HLCS: variants seen among roughly 807,000 people sequenced by gnomAD.
HLCS encodes biotin--protein ligase.
A neutral mutation model predicts 75.0 loss-of-function variants in HLCS; 53 were observed. The observed-to-expected ratio is 0.71, with a 90% CI of 0.57 to 0.89. The LOEUF (loss-of-function observed/expected upper bound fraction) is 0.89, where lower values mean the gene tolerates loss of function less well. HLCS is among the 40% of genes least tolerant of loss of function. HLCS has a pLI of 0.00. For synonymous variants in HLCS, 431 were observed against 428.6 expected (o/e 1.01, Z -0.07); for missense variants, 966 against 1,074.0 (o/e 0.90, Z 1.41).
At chr21:36,921,573 T>C (rs2066169324) in intron 5 of HLCS, among the ~76,000 whole-genome samples, 2 of 152,246 alleles carry the variant, frequency 1.3e-5, no homozygotes, top group Admixed American at 6.5e-5. Flanking sequence ...GAAAGCCTCA[T>C]GGTGGGTGAA....
chr21:36,942,859 G>A (rs2067212875), intron 2 of HLCS, among the ~76,000 whole-genome samples: 1 of 151,952 alleles, frequency 6.6e-6, no homozygotes. Flanking sequence ...GAACCCCGGA[G>A]GCAGAGCTTG....
chr21:36,750,489 C>G lies in HLCS; in HGVS notation c.*3757G>C, dbSNP rs2089333764. On this transcript the variant is annotated 3_prime_UTR_variant, in exon 11 of 11. Transcript: ENST00000674895. ...ATTTTCCGCCTCCCTTGCCCCCACT[C>G]CTTTTATCCTTTTAAAAGTCCTATC... Among the ~76,000 whole-genome samples the G allele has an allele frequency of 6.6e-6, 1 of 152,144 alleles. No homozygotes were observed. The highest frequency in any genetic ancestry group is 1.5e-5 in the Non-Finnish European group (1 of 68,026).
intron 4 of HLCS, among the ~76,000 whole-genome samples, chr21:36,931,982 G>A (rs946017327): frequency 7.2e-5 from 11 of 152,084 alleles, no homozygotes; most frequent in Non-Finnish European, 4.4e-5. Flanking sequence ...GTGAACCGAT[G>A]CGTCTACATG....
In HLCS at chr21:36,763,335, T is replaced by C. The variant is rs903177014; in HGVS notation, c.2121+1677A>G. On this transcript the variant is annotated intron_variant, in intron 8 of 10. Coordinates refer to ENST00000674895, the MANE Select transcript of HLCS (RefSeq NM_001352514.2). Reference sequence around the variant, plus strand: ...AGGACTTTCTATTTTGATTGCTTCCTGCTAGACAGAATGCACAGCTCAGGT... The same window carrying C: ...AGGACTTTCTATTTTGATTGCTTCCCGCTAGACAGAATGCACAGCTCAGGT... Among the ~76,000 whole-genome samples the C allele has an allele frequency of 5.3e-5, 8 of 152,326 alleles. 1 individual carries two copies. Among genetic ancestry groups the C allele is most frequent in the Admixed American group, 3.3e-4 (5 of 15,310 alleles).
intron 1 of HLCS, among the ~76,000 whole-genome samples, chr21:36,964,748 C>A (rs552766972): frequency 1.3e-5 from 2 of 152,264 alleles, no homozygotes; most frequent in South Asian, 4.1e-4. Flanking sequence ...AGAAGGCCAG[C>A]GGAGTCATGA....
intron 1 of HLCS, among the ~76,000 whole-genome samples, chr21:36,962,793 C>CAAAAAAA (rs386394699): frequency 3.9e-4 from 31 of 80,190 alleles, no homozygotes; most frequent in East Asian, 7.5e-4. Context: ...GACCCTATCT[C>CAAAAAAA]AAAAAAAAAA....
chr21:36,874,401 C>CAAAAA (rs978044869), intron 6 of HLCS, among the ~76,000 whole-genome samples: 1 of 101,278 alleles, frequency 9.9e-6, no homozygotes, highest in South Asian at 2.8e-4. Context: ...GACTCCGTCT[C>CAAAAA]AAAAAAATAA....
At chr21:36,983,492 C>T (rs917352848) in intron 1 of HLCS, among the ~76,000 whole-genome samples, 10 of 151,790 alleles carry the variant, frequency 6.6e-5, no homozygotes, top group South Asian at 2.1e-4. Flanking sequence ...ATTACAGGCA[C>T]GAGCCACTGC....
intron 6 of HLCS, among the ~76,000 whole-genome samples, chr21:36,873,205 C>T (rs868099784): frequency 6.6e-6 from 1 of 152,100 alleles, no homozygotes; most frequent in Non-Finnish European, 1.5e-5. Context: ...GCAACCTCCA[C>T]CTCCCGGGTT....
At chr21:36,768,789 A>T (rs937329159) in intron 6 of HLCS, among the ~76,000 whole-genome samples, 1 of 152,232 alleles carries the variant, frequency 6.6e-6, no homozygotes, top group African/African-American at 2.4e-5. Context: ...GCTGTATGCC[A>T]CTGGGTCCAA....
chr21:36,760,097 T>C (rs2089771200), intron 8 of HLCS, among the ~76,000 whole-genome samples: 1 of 152,148 alleles, frequency 6.6e-6, no homozygotes, highest in Non-Finnish European at 1.5e-5. Flanking sequence ...TTTCTCATCA[T>C]CCAAAACCCT....
rs748795038 is a variant in HLCS at position 36,930,457 on chromosome 21, G to A, written c.1438-24C>T. The stretch of plus-strand genomic sequence containing the variant: ...ACCTGAAGGGGAAAGATAGCACTAT[G>A]TAAACTGAGGGCACTCACAGGCAAT... On this transcript the variant is annotated intron_variant, in intron 4 of 10. Transcript: ENST00000674895. The A allele has an allele frequency of 3.6e-5, 58 of 1,591,084 alleles. No homozygotes were observed. In the Admixed American group the frequency reaches 4.8e-4, roughly 13 times the overall value.
intron 6 of HLCS, among the ~76,000 whole-genome samples, chr21:36,859,824 C>T (rs182012722): frequency 6.6e-6 from 1 of 152,236 alleles, no homozygotes; most frequent in Admixed American, 6.5e-5. Flanking sequence ...TGTGGGGAAG[C>T]CTTCAGCAGC....
intron 6 of HLCS, among the ~76,000 whole-genome samples, chr21:36,875,038 C>T (rs1369255194): frequency 6.6e-6 from 1 of 152,186 alleles, no homozygotes; most frequent in African/African-American, 2.4e-5. Flanking sequence ...CTCCCCTCCC[C>T]GACTGGTGCT....
chr21:36,921,793 A>G (rs1249135112), intron 5 of HLCS, among the ~76,000 whole-genome samples: 1 of 152,100 alleles, frequency 6.6e-6, no homozygotes, highest in Non-Finnish European at 1.5e-5. Context: ...CAGAGACACA[A>G]ACACCTACAC....
At chr21:36,786,252 G>C (rs2060683176) in intron 6 of HLCS, among the ~76,000 whole-genome samples, 1 of 150,580 alleles carries the variant, frequency 6.6e-6, no homozygotes, top group Non-Finnish European at 1.5e-5. Context: ...TCAATCTTCT[G>C]TATATGTTTA....
intron 2 of HLCS, among the ~76,000 whole-genome samples, chr21:36,944,313 G>T (rs2067280480): frequency 6.6e-6 from 1 of 152,142 alleles, no homozygotes; most frequent in Non-Finnish European, 1.5e-5. Flanking sequence ...TGAATTCCTA[G>T]AACAGGAGAA....
chr21:36,988,382 C>G (rs968570436), intron 1 of HLCS, among the ~76,000 whole-genome samples: 1 of 152,186 alleles, frequency 6.6e-6, no homozygotes, highest in Admixed American at 6.5e-5. Flanking sequence ...CACATCAGTT[C>G]AGAGACCTTC....
intron 1 of HLCS, among the ~76,000 whole-genome samples, chr21:36,979,543 G>C (rs757645713): frequency 1.3e-5 from 2 of 152,130 alleles, no homozygotes; most frequent in African/African-American, 2.4e-5. Context: ...TTGCTTTGCA[G>C]GTCAATTTGT....
Sources: gnomAD v4.1 joint callset for allele counts (sites outside exome capture counted in the v4.1 genomes callset) on GRCh38, gnomAD v4.1.1 for gene constraint, MANE v1.5 for transcripts, NCBI Gene and HGNC (gene_info 2026-07-23, HGNC 2026-07-21) for gene names.